The following MAN2B2 variants were observed in gnomAD, a reference collection of about 807,000 sequenced individuals.
MAN2B2 encodes epididymis-specific alpha-mannosidase.
In MAN2B2, 106 loss-of-function variants were observed where a neutral mutation model predicts 117.1. The ratio of observed to expected loss-of-function variants is 0.90; its 90% CI spans 0.77 to 1.06. MAN2B2 has a LOEUF of 1.06. MAN2B2 is among the 50% of genes least tolerant of loss of function. MAN2B2 has a pLI of 0.00. For synonymous variants in MAN2B2, 544 were observed against 595.1 expected (o/e 0.91, Z 1.25); for missense variants, 1,326 against 1,381.4 (o/e 0.96, Z 0.64).
intron 11 of MAN2B2, 91 bp downstream of exon 11, chr4:6,605,420 T>G (rs1727506446): frequency 6.9e-7 from 1 of 1,441,418 alleles, no homozygotes; most frequent in South Asian, 1.4e-5. Flanking sequence ...TTTGCTCACT[T>G]GCCTGGGGGA....
intron 3 of MAN2B2, among the ~76,000 whole-genome samples, chr4:6,581,795 ACTGGGC>A: frequency 6.6e-6 from 1 of 151,210 alleles, no homozygotes; most frequent in East Asian, 2.0e-4. Flanking sequence ...GGCCTGGGGC[ACTGGGC>A]CTGCCCGTAA....
chr4:6,605,677 C>G (rs1727516574), intron 11 of MAN2B2, among the ~76,000 whole-genome samples: 1 of 152,076 alleles, frequency 6.6e-6, no homozygotes, highest in East Asian at 1.9e-4. Flanking sequence ...ACGGGACTTT[C>G]AAAATCATCT....
chr4:6,621,568 A>C lies in MAN2B2; in HGVS notation c.*283A>C. ...TGGCACACTCATGCGTCATTCATTC[A>C]CAAAACACAAACCCAGGACTTTCTG... is the stretch of plus-strand genomic sequence containing the variant. On this transcript the variant is annotated 3_prime_UTR_variant, in exon 19 of 19. Transcript: ENST00000285599. 2 of 323,782 alleles carry C rather than the reference A, an allele frequency of 6.2e-6. No homozygotes were observed. The highest frequency in any genetic ancestry group is 1.1e-5 in the Non-Finnish European group (2 of 175,240). 20.1% of individuals were successfully genotyped at this position (323,782 alleles called of 1,614,324 possible).
chr4:6,575,277 T>A lies in MAN2B2; in HGVS notation c.67T>A (p.Ser23Thr). Residue 23 changes from serine (S) to threonine (T), a missense_variant, in exon 1 of 19, where the codon TCC (serine) becomes ACC (threonine). Coordinates refer to ENST00000285599, the MANE Select transcript of MAN2B2 (RefSeq NM_015274.3). ...LLLLRPPGVQ[S>T]AGPIRAFVVP... is the part of the protein sequence containing the mutation. Reference sequence around the variant, plus strand: ...GTTGCTGCGACCGCCAGGGGTCCAGTCCGCCGGCCCCATCCGGGCCTTCGT... The same window carrying A: ...GTTGCTGCGACCGCCAGGGGTCCAGACCGCCGGCCCCATCCGGGCCTTCGT... 6.4e-7 allele frequency: 1 copy of A among 1,557,796 alleles called. No individual in the cohort carries two copies. Among genetic ancestry groups the A allele is most frequent in the Non-Finnish European group, 8.6e-7 (1 of 1,157,320 alleles).
Position 6,598,220 on chromosome 4 carries a change from C to A in MAN2B2, c.1271C>A (p.Thr424Asn), listed in dbSNP as rs1351110707. Residue 424 changes from threonine (T) to asparagine (N), a missense_variant, in exon 9 of 19, where the codon ACT (threonine) becomes AAT (asparagine). Thr to Asn is a moderately conservative substitution (Grantham distance 65, BLOSUM62 0). Coordinates refer to ENST00000285599, the MANE Select transcript of MAN2B2 (RefSeq NM_015274.3). ...CAGGTCCAGCACCATGATGCCATCA[C>A]TGGGACTGAGTCCCCCAAGGTGAGA... ...VSEVQHHDAI[T>N]GTESPKVRDM... 2 of 1,613,736 alleles carry A rather than the reference C, an allele frequency of 1.2e-6. No homozygotes were observed. Among genetic ancestry groups the A allele is most frequent in the South Asian group, 2.2e-5 (2 of 91,078 alleles).
intron 18 of MAN2B2, chr4:6,620,354 C>A (rs377477657): frequency 1.5e-4 from 44 of 299,504 alleles, no homozygotes; most frequent in Middle Eastern, 1.2e-3. Flanking sequence ...CCCACCTTGG[C>A]CCTGCTGACC....
At position 6,617,493 on chromosome 4, in the gene MAN2B2, G is replaced by T. The variant is rs948315685; in HGVS notation, c.2814+1G>T. The T allele has an allele frequency of 3.1e-6, 5 of 1,614,044 alleles. No individual in the cohort carries two copies. The highest frequency in any genetic ancestry group is 3.4e-6 in the Non-Finnish European group (4 of 1,179,980). On this transcript the variant is annotated splice_donor_variant, in intron 17 of 18. Coordinates refer to ENST00000285599, the MANE Select transcript of MAN2B2 (RefSeq NM_015274.3). LOFTEE classifies it high-confidence loss of function. ...TCAGCCAGTGACAGTGAATCTGGAG[G>T]TGAACTTCCCCACCCCCATCCAGAC... is the stretch of plus-strand genomic sequence containing the variant.
chr4:6,593,251 T>C lies in MAN2B2; in HGVS notation c.759T>C (p.Pro253=), dbSNP rs1327478083. ...QDGVYPNMSE[P]VTPANINLYA... ...GGGTGTACCCCAACATGAGTGAGCC[T>C]GTCACCCCAGCCAACATCAACCTCT... The change falls in exon 6 of 19, where the codon CCT becomes CCC. Residue 253 remains proline (P), a synonymous_variant. Transcript: ENST00000285599. The C allele has an allele frequency of 1.2e-6, 2 of 1,614,012 alleles. No individual in the cohort carries two copies. The highest frequency in any genetic ancestry group is 1.7e-5 in the Admixed American group (1 of 60,000).
At position 6,578,380 on chromosome 4, in the gene MAN2B2, T is replaced by G; in HGVS notation, c.286-13T>G. On this transcript the variant is annotated splice_polypyrimidine_tract_variant and intron_variant, in intron 2 of 18. Transcript: ENST00000285599. The stretch of plus-strand genomic sequence containing the variant: ...CGTAACTGGCTTTTTTCTCTCTGCC[T>G]GCCCATGTCAAGGTCCGCCAGCTCC... 1 of 1,606,670 alleles carries G rather than the reference T, an allele frequency of 6.2e-7. No homozygotes were observed. Among genetic ancestry groups the G allele is most frequent in the Non-Finnish European group, 8.5e-7 (1 of 1,175,066 alleles).
Position 6,597,452 on chromosome 4 carries a change from C to G in MAN2B2, c.1248+149C>G, listed in dbSNP as rs960290779. On this transcript the variant is annotated intron_variant, in intron 8 of 18. Coordinates refer to ENST00000285599, the MANE Select transcript of MAN2B2 (RefSeq NM_015274.3). Reference sequence around the variant, plus strand: ...CTGAGGTTCCCTTTGGTTACAAGGCCAGTGCATGGTGAACCCAGGCCAAGG... The same window carrying G: ...CTGAGGTTCCCTTTGGTTACAAGGCGAGTGCATGGTGAACCCAGGCCAAGG... 3 of 890,568 alleles carry G rather than the reference C, an allele frequency of 3.4e-6. No homozygotes were observed. In the Admixed American group the frequency reaches 1.0e-4, roughly 31 times the overall value. The allele number at this position is 890,568 out of a possible 1,614,324, so 55.2% of individuals were successfully genotyped here.
chr4:6,613,862 AAAAC>A (rs1325519475), intron 15 of MAN2B2, among the ~76,000 whole-genome samples: 1 of 151,972 alleles, frequency 6.6e-6, no homozygotes, highest in African/African-American at 2.4e-5. Context: ...AGGAAGGAAA[AAAAC>A]GAAGGAAGAA....
At chr4:6,582,408 G>A (rs1232770267) in intron 3 of MAN2B2, among the ~76,000 whole-genome samples, 1 of 152,006 alleles carries the variant, frequency 6.6e-6, no homozygotes, top group South Asian at 2.1e-4. Context: ...GCGCAATCTC[G>A]GCTCACTGCA....
At chr4:6,588,317 C>A (rs1023862706) in intron 4 of MAN2B2, among the ~76,000 whole-genome samples, 2 of 152,182 alleles carry the variant, frequency 1.3e-5, no homozygotes, top group Non-Finnish European at 2.9e-5. Flanking sequence ...CCCGTATCAT[C>A]TTCCCTGGGT....
At chr4:6,596,973 T>A (rs6839485) in intron 7 of MAN2B2, 140 bp from the exon 8 acceptor site, 3 of 790,688 alleles carry the variant, frequency 3.8e-6, no homozygotes, top group Non-Finnish European at 6.2e-6. Flanking sequence ...CTGGGCTCGC[T>A]GCCTGCCCGG....
chr4:6,588,459 G>A (rs1190622548), intron 4 of MAN2B2, among the ~76,000 whole-genome samples: 1 of 152,162 alleles, frequency 6.6e-6, no homozygotes, highest in Non-Finnish European at 1.5e-5. Context: ...AGTGGCTCAC[G>A]CCTGTAATCC....
At position 6,622,461 on chromosome 4, in the gene MAN2B2, C is replaced by T. The variant is rs986980216; in HGVS notation, c.*1176C>T. On this transcript the variant is annotated 3_prime_UTR_variant, in exon 19 of 19. Transcript: ENST00000285599. ...AAACTTTTTTTTTTTTTTCCCGAGA[C>T]AGAGTCTCACTCTGTCGCCCAGGCT... 2 of 146,554 alleles carry T rather than the reference C, an allele frequency of 1.4e-5. No homozygotes were observed. Among genetic ancestry groups the T allele is most frequent in the African/African-American group, 5.0e-5 (2 of 40,144 alleles). 9.1% of individuals were successfully genotyped at this position (146,554 alleles called of 1,614,324 possible).
chr4:6,609,960 A>G lies in MAN2B2; in HGVS notation c.2169A>G (p.Leu723=), dbSNP rs775331120. The G allele has an allele frequency of 8.7e-6, 14 of 1,613,984 alleles. No individual in the cohort carries two copies. Among genetic ancestry groups the G allele is most frequent in the Non-Finnish European group, 1.0e-5 (12 of 1,180,014 alleles). ...REAVLRTSTN[L]NSQQVIYSDN... is the part of the protein sequence containing the mutation. ...CTGTCCTGAGGACCAGCACCAACCTAAACAGCCAGCAGGTCATCTACTCAG... is the reference window on the plus strand; with the variant it reads ...CTGTCCTGAGGACCAGCACCAACCTGAACAGCCAGCAGGTCATCTACTCAG... The change falls in exon 13 of 19, where the codon CTA becomes CTG. Residue 723 remains leucine, a synonymous_variant. Coordinates refer to ENST00000285599, the MANE Select transcript of MAN2B2 (RefSeq NM_015274.3).
chr4:6,579,141 T>TCACCAG (rs1726238360), intron 3 of MAN2B2, among the ~76,000 whole-genome samples: 1 of 23,970 alleles, frequency 4.2e-5, no homozygotes, highest in African/African-American at 1.5e-4. Flanking sequence ...ACCACCACCA[T>TCACCAG]CACCACCACC....
chr4:6,617,507 C>A lies in MAN2B2; in HGVS notation c.2814+15C>A. 6.2e-7 allele frequency: 1 copy of A among 1,613,818 alleles called. No homozygotes were observed. ...TGAATCTGGAGGTGAACTTCCCCAC[C>A]CCCATCCAGACCATAAGCCAGGGAA... On this transcript the variant is annotated intron_variant, in intron 17 of 18. Transcript: ENST00000285599.
Sources: gnomAD v4.1 joint callset for allele counts (sites outside exome capture counted in the v4.1 genomes callset) on GRCh38, gnomAD v4.1.1 for gene constraint, MANE v1.5 for transcripts, NCBI Gene and HGNC (gene_info 2026-07-23, HGNC 2026-07-21) for gene names.